ELF1: variants seen among roughly 807,000 people sequenced by gnomAD.
The protein encoded by ELF1 is E74 like ETS transcription factor 1, also known as ETS-related transcription factor Elf-1.
In ELF1, 24 loss-of-function variants were observed where a neutral mutation model predicts 59.9. That is an observed-to-expected ratio of 0.40 (90% CI 0.29 to 0.56). The LOEUF is 0.56. Ranked by LOEUF, ELF1 falls within the 20% of genes least tolerant of loss-of-function variation. The pLI, the probability that ELF1 is intolerant of heterozygous loss-of-function variation, is 0.44. For synonymous variants in ELF1, 248 were observed against 266.2 expected, an observed-to-expected ratio of 0.93 and a Z score of 0.67; for missense variants, 627 against 742.2, an observed-to-expected ratio of 0.84 and a Z score of 1.80.
At chr13:41,024,916 A>G (rs1294783902) in intron 1 of ELF1, among the ~76,000 whole-genome samples, 2 of 152,200 alleles carry the variant, frequency 1.3e-5, no homozygotes, top group African/African-American at 4.8e-5. Flanking sequence ...CCTAACTGAC[A>G]GAATCTTTCT....
At chr13:41,059,134 T>C (rs985422520) in intron 1 of ELF1, among the ~76,000 whole-genome samples, 8 of 152,250 alleles carry the variant, frequency 5.3e-5, no homozygotes, top group Non-Finnish European at 8.8e-5. Context: ...TAAATGAAAA[T>C]TCCACTTTCA....
chr13:41,009,497 C>T (rs1874929890), intron 1 of ELF1, among the ~76,000 whole-genome samples: 3 of 152,108 alleles, frequency 2.0e-5, no homozygotes. Flanking sequence ...CAACAGAATA[C>T]CTGCATGGAC....
At chr13:41,053,645 A>C (rs184137557) in intron 1 of ELF1, among the ~76,000 whole-genome samples, 2 of 152,350 alleles carry the variant, frequency 1.3e-5, no homozygotes, top group East Asian at 1.9e-4. Flanking sequence ...CAAGTGTGTA[A>C]GATATTTATA....
At chr13:41,012,284 G>T (rs1268327596) in intron 1 of ELF1, among the ~76,000 whole-genome samples, 2 of 120,406 alleles carry the variant, frequency 1.7e-5, no homozygotes, top group Non-Finnish European at 3.2e-5. Flanking sequence ...CTCCACTCCA[G>T]CCTGAGCGAC....
chr13:40,999,236 A>C (rs910714436), intron 1 of ELF1, among the ~76,000 whole-genome samples: 1 of 152,260 alleles, frequency 6.6e-6, no homozygotes, highest in Non-Finnish European at 1.5e-5. Flanking sequence ...AACTAAATGC[A>C]TAAATGCAGT....
intron 3 of ELF1, among the ~76,000 whole-genome samples, chr13:40,957,625 T>C (rs1196046158): frequency 1.3e-5 from 2 of 152,112 alleles, no homozygotes; most frequent in Admixed American, 6.5e-5. Flanking sequence ...TCCACCATGA[T>C]TGTAAGTTTC....
At chr13:41,045,964 G>T (rs1170881193) in intron 1 of ELF1, among the ~76,000 whole-genome samples, 2 of 152,102 alleles carry the variant, frequency 1.3e-5, no homozygotes, top group Admixed American at 1.3e-4. Flanking sequence ...GAATCTGGGG[G>T]CTCCTGTATT....
intron 1 of ELF1, among the ~76,000 whole-genome samples, chr13:41,047,364 G>T (rs1388405502): frequency 6.6e-6 from 1 of 152,208 alleles, no homozygotes; most frequent in Non-Finnish European, 1.5e-5. Context: ...CTGATTTTTA[G>T]AATTCTTGGT....
At chr13:41,058,256 C>G (rs1021529539) in intron 1 of ELF1, among the ~76,000 whole-genome samples, 10 of 152,196 alleles carry the variant, frequency 6.6e-5, no homozygotes, top group Non-Finnish European at 1.2e-4. Flanking sequence ...CCAGCTTGAT[C>G]TCCCATGGCC....
chr13:40,947,725 A>C (rs1289917275), intron 5 of ELF1, among the ~76,000 whole-genome samples: 1 of 152,182 alleles, frequency 6.6e-6, no homozygotes, highest in Non-Finnish European at 1.5e-5. Context: ...ATTTCCTCAG[A>C]TAAAGCCCCG....
intron 1 of ELF1, among the ~76,000 whole-genome samples, chr13:41,040,190 G>A (rs996789883): frequency 3.9e-5 from 6 of 152,174 alleles, no homozygotes; most frequent in African/African-American, 1.2e-4. Context: ...GTGCAAAGAT[G>A]TAGATATATA....
chr13:40,948,354 C>A (rs1268249772), intron 5 of ELF1, among the ~76,000 whole-genome samples: 1 of 152,130 alleles, frequency 6.6e-6, no homozygotes, highest in Non-Finnish European at 1.5e-5. Context: ...GAGGGTATAT[C>A]CCTTCAAGGG....
intron 1 of ELF1, among the ~76,000 whole-genome samples, chr13:40,987,584 CAAAAAAAAAAAAAA>C (rs374604821): frequency 1.5e-5 from 1 of 68,408 alleles, no homozygotes; most frequent in East Asian, 3.1e-4. Flanking sequence ...GACTCTGTCT[CAAAAAAAAAAAAAA>C]AAAAAAGAAA....
chr13:40,964,550 C>T (rs903798542), intron 2 of ELF1, among the ~76,000 whole-genome samples: 10 of 151,812 alleles, frequency 6.6e-5, no homozygotes, highest in African/African-American at 2.2e-4. Context: ...AGTGCAGTGG[C>T]GTGATCTCAG....
chr13:40,940,740 A>C (rs1870102952), intron 8 of ELF1, among the ~76,000 whole-genome samples, 181 bp downstream of exon 8: 1 of 152,258 alleles, frequency 6.6e-6, no homozygotes, highest in Non-Finnish European at 1.5e-5. Flanking sequence ...TAAAGGGACC[A>C]GTGGCATAAT....
intron 1 of ELF1, among the ~76,000 whole-genome samples, chr13:40,988,991 T>G (rs1178376369): frequency 6.6e-6 from 1 of 152,166 alleles, no homozygotes; most frequent in Non-Finnish European, 1.5e-5. Flanking sequence ...AGAGACAGTG[T>G]CTCACTATGT....
At chr13:40,958,702 G>A (rs1871612475) in intron 3 of ELF1, 134 bp downstream of exon 3, 1 of 1,224,558 alleles carries the variant, frequency 8.2e-7, no homozygotes, top group African/African-American at 1.5e-5. Flanking sequence ...TCTTCTCCAT[G>A]TAGGGCTGTA....
intron 1 of ELF1, among the ~76,000 whole-genome samples, chr13:41,017,589 C>T (rs544309324): frequency 6.6e-6 from 1 of 152,106 alleles, no homozygotes; most frequent in East Asian, 1.9e-4. Context: ...TTTTACCCCC[C>T]CTTCTCCCTT....
chr13:40,951,798 T>C (rs541346312), intron 3 of ELF1: 1 of 154,260 alleles, frequency 6.5e-6, no homozygotes, highest in East Asian at 1.9e-4. Context: ...ACCCAGAAGG[T>C]GGAGGTTTCA....
Sources: gnomAD v4.1 joint callset for allele counts (sites outside exome capture counted in the v4.1 genomes callset) on GRCh38, gnomAD v4.1.1 for gene constraint, MANE v1.5 for transcripts, NCBI Gene and HGNC (gene_info 2026-07-23, HGNC 2026-07-21) for gene names.